TNIK: variants seen among roughly 807,000 people sequenced by gnomAD.
The protein encoded by TNIK is TRAF2 and NCK-interacting protein kinase.
A neutral mutation model predicts 191.3 loss-of-function variants in TNIK; 49 were observed. The observed-to-expected ratio is 0.26, with a 90% confidence interval of 0.20 to 0.32. The LOEUF (loss-of-function observed/expected upper bound fraction) is 0.32, where lower values mean the gene tolerates loss of function less well. Among genes scored for constraint, TNIK ranks in the 10% least tolerant of loss-of-function variants. The probability of loss-of-function intolerance (pLI) is 1.00; values close to 1 mark genes in which losing one functional copy is unlikely to be tolerated. For synonymous variants in TNIK, 594 were observed against 600.9 expected (o/e 0.99, Z 0.17); for missense variants, 1,155 against 1,702.3 (o/e 0.68, Z 5.66).
At chr3:171,361,151 C>T (rs1714914765) in intron 2 of TNIK, among the ~76,000 whole-genome samples, 1 of 152,160 alleles carries the variant, frequency 6.6e-6, no homozygotes, top group Non-Finnish European at 1.5e-5. Context: ...CCTGGCTGTG[C>T]ATTGCAAGCA....
At chr3:171,088,422 A>G (rs1196910573) in intron 23 of TNIK, among the ~76,000 whole-genome samples, 3 of 152,096 alleles carry the variant, frequency 2.0e-5, no homozygotes, top group Admixed American at 2.0e-4. Context: ...TTTAGTAGAG[A>G]TGGGGTTTCA....
intron 2 of TNIK, among the ~76,000 whole-genome samples, chr3:171,362,509 G>A (rs2108472863): frequency 6.6e-6 from 1 of 152,252 alleles, no homozygotes; most frequent in South Asian, 2.1e-4. Flanking sequence ...AAAGACATGT[G>A]TTTCTAACTT....
chr3:171,341,691 T>C (rs1757551403), intron 2 of TNIK, among the ~76,000 whole-genome samples: 1 of 152,102 alleles, frequency 6.6e-6, no homozygotes, highest in African/African-American at 2.4e-5. Context: ...ACTAAACACA[T>C]ACCCTGTATC....
At chr3:171,397,743 T>C (rs1282226371) in intron 1 of TNIK, among the ~76,000 whole-genome samples, 1 of 152,222 alleles carries the variant, frequency 6.6e-6, no homozygotes, top group Non-Finnish European at 1.5e-5. Context: ...TATAATTTCC[T>C]AAAACCCAAA....
At chr3:171,332,038 A>AT (rs1756465909) in intron 2 of TNIK, among the ~76,000 whole-genome samples, 5 of 152,128 alleles carry the variant, frequency 3.3e-5, no homozygotes, top group Admixed American at 3.3e-4. Context: ...ATTAAAAGTT[A>AT]TTTTTTTAAA....
At chr3:171,236,716 G>T (rs980544206) in intron 2 of TNIK, among the ~76,000 whole-genome samples, 1 of 152,130 alleles carries the variant, frequency 6.6e-6, no homozygotes, top group South Asian at 2.1e-4. Context: ...ACTTTATGAG[G>T]CAACTCTGTC....
At chr3:171,267,214 C>T (rs1364901556) in intron 2 of TNIK, among the ~76,000 whole-genome samples, 4 of 152,100 alleles carry the variant, frequency 2.6e-5, no homozygotes, top group East Asian at 1.9e-4. Context: ...CTGGTAAGTA[C>T]AGAATTGACA....
At chr3:171,410,896 G>A (rs1289108194) in intron 1 of TNIK, among the ~76,000 whole-genome samples, 1 of 151,698 alleles carries the variant, frequency 6.6e-6, no homozygotes, top group Non-Finnish European at 1.5e-5. Context: ...GGGGAAGGAG[G>A]TATAGACCCC....
rs900642467 is a variant in TNIK at position 171,061,897 on chromosome 3, G to A, written c.*1984C>T. ...ATTTCATTGCTTTTGAGAGCTAAAG[G>A]GACCATGAGGAGGATATCTTGCTGA... On this transcript the variant is annotated 3_prime_UTR_variant, in exon 33 of 33. Coordinates refer to ENST00000436636, the MANE Select transcript of TNIK (RefSeq NM_015028.4). The A allele has an allele frequency of 6.6e-6, 1 of 152,122 alleles. No individual in the cohort carries two copies. The highest frequency in any genetic ancestry group is 6.6e-5 in the Admixed American group (1 of 15,264). The allele number at this position is 152,122 out of a possible 1,614,324, so 9.4% of individuals were successfully genotyped here.
intron 2 of TNIK, among the ~76,000 whole-genome samples, chr3:171,368,011 C>G (rs919466503): frequency 6.6e-6 from 1 of 152,198 alleles, no homozygotes; most frequent in East Asian, 1.9e-4. Flanking sequence ...TGCTAAATAT[C>G]TTCCCTCTCT....
At chr3:171,238,961 G>A (rs1744632975) in intron 2 of TNIK, among the ~76,000 whole-genome samples, 1 of 152,108 alleles carries the variant, frequency 6.6e-6, no homozygotes, top group South Asian at 2.1e-4. Flanking sequence ...CTTTTGAGTG[G>A]CCAATTCTAA....
chr3:171,248,450 A>G (rs1745856168), intron 2 of TNIK, among the ~76,000 whole-genome samples: 1 of 152,242 alleles, frequency 6.6e-6, no homozygotes, highest in Non-Finnish European at 1.5e-5. Flanking sequence ...AGAACAAAGG[A>G]TAAAGGAGAT....
chr3:171,232,416 A>C (rs1374912519), intron 2 of TNIK, among the ~76,000 whole-genome samples: 1 of 152,126 alleles, frequency 6.6e-6, no homozygotes, highest in African/African-American at 2.4e-5. Context: ...AAAGGAGATA[A>C]AAGAGTTTAA....
At chr3:171,222,509 A>C (rs1319611787) in intron 3 of TNIK, among the ~76,000 whole-genome samples, 1 of 152,164 alleles carries the variant, frequency 6.6e-6, no homozygotes, top group Non-Finnish European at 1.5e-5. Context: ...TATTATGTGC[A>C]TACTATTAAT....
At chr3:171,419,117 G>A (rs80301930) in intron 1 of TNIK, among the ~76,000 whole-genome samples, 6,040 of 152,182 alleles carry the variant, frequency 0.04, 407 homozygotes, top group African/African-American at 0.14. Context: ...CAAAGGGCCC[G>A]TCTCCAAATA....
At position 171,133,198 on chromosome 3, in the gene TNIK, ACTT is replaced by A. The variant is rs375480201; in HGVS notation, c.1609-4323_1609-4321del. On this transcript the variant is annotated intron_variant, in intron 15 of 32. Coordinates refer to ENST00000436636, the MANE Select transcript of TNIK (RefSeq NM_015028.4). ...GGGCCTGGACTATTTTCCCAGATCA[ACTT>A]CTTACTAATATTCCAGAAAAACGTA... 3.9e-4 allele frequency among the ~76,000 whole-genome samples: 60 copies of A among 152,344 alleles called. 4 individuals carry two copies. In the East Asian group the frequency reaches 0.011, roughly 28 times the overall value.
chr3:171,384,369 C>G (rs575776063), intron 1 of TNIK, among the ~76,000 whole-genome samples: 2 of 152,340 alleles, frequency 1.3e-5, no homozygotes, highest in African/African-American at 4.8e-5. Context: ...CTATAAACAG[C>G]ATGCTACTCA....
chr3:171,426,564 T>C (rs1001274686), intron 1 of TNIK, among the ~76,000 whole-genome samples: 7 of 151,950 alleles, frequency 4.6e-5, no homozygotes, highest in Non-Finnish European at 7.4e-5. Context: ...TAAATATATA[T>C]ATATAAAATC....
At chr3:171,447,988 G>T (rs1727712913) in intron 1 of TNIK, among the ~76,000 whole-genome samples, 1 of 152,106 alleles carries the variant, frequency 6.6e-6, no homozygotes, top group African/African-American at 2.4e-5. Flanking sequence ...TACTATTATG[G>T]TTATGTATTT....
Sources: gnomAD v4.1 joint callset for allele counts (sites outside exome capture counted in the v4.1 genomes callset) on GRCh38, gnomAD v4.1.1 for gene constraint, MANE v1.5 for transcripts, NCBI Gene and HGNC (gene_info 2026-07-23, HGNC 2026-07-21) for gene names.